The following SRL variants were observed in gnomAD, a reference collection of about 807,000 sequenced individuals.
The protein encoded by SRL is sarcalumenin.
A neutral mutation model predicts 39.5 loss-of-function variants in SRL; 23 were observed. That is an observed-to-expected ratio of 0.58 (90% CI 0.42 to 0.82). SRL has a LOEUF of 0.82. Ranked by LOEUF, SRL falls within the 40% of genes least tolerant of loss-of-function variation. The pLI is 0.00. For missense variants in SRL, 592 were observed against 607.8 expected (o/e 0.97, Z 0.27); for synonymous variants, 272 against 237.4 (o/e 1.15, Z -1.34).
chr16:4,232,878 G>T (rs898894768), intron 1 of SRL, among the ~76,000 whole-genome samples: 17 of 152,310 alleles, frequency 1.1e-4, no homozygotes, highest in African/African-American at 4.1e-4. Context: ...CCTGAAGGAG[G>T]ACCGGGGGCT....
chr16:4,210,478 A>G (rs999857353), intron 1 of SRL, among the ~76,000 whole-genome samples: 6 of 126,654 alleles, frequency 4.7e-5, no homozygotes, highest in Non-Finnish European at 8.1e-5. Context: ...AATGAGTATT[A>G]CTCATATCTT....
At chr16:4,217,078 ATCT>A (rs545825867) in intron 1 of SRL, among the ~76,000 whole-genome samples, 51 of 152,248 alleles carry the variant, frequency 3.3e-4, no homozygotes, top group Non-Finnish European at 8.8e-5. Flanking sequence ...GCTGGAGGGA[ATCT>A]TCTTGAGAAA....
intron 5 of SRL, among the ~76,000 whole-genome samples, chr16:4,194,667 G>A (rs1281752184): frequency 6.6e-6 from 1 of 152,164 alleles, no homozygotes; most frequent in Non-Finnish European, 1.5e-5. Flanking sequence ...GAACCTCTCA[G>A]AGCTGCTTGC....
At chr16:4,218,543 C>T (rs570076353) in intron 1 of SRL, among the ~76,000 whole-genome samples, 13 of 152,278 alleles carry the variant, frequency 8.5e-5, no homozygotes, top group South Asian at 2.1e-4. Context: ...TATACAGCGG[C>T]GCTTTGCTCC....
intron 3 of SRL, among the ~76,000 whole-genome samples, chr16:4,200,593 C>T (rs957946761): frequency 6.6e-6 from 1 of 152,238 alleles, no homozygotes; most frequent in East Asian, 1.9e-4. Context: ...CTGCTGTACA[C>T]ACAAGTTTCC....
In SRL at chr16:4,213,386, T is replaced by TTTTTTC. The variant is rs372374910; in HGVS notation, c.62-8758_62-8753dup. ...AAGACATCCTGCTTACAGCATCTTT[T>TTTTTTC]TTTTTCTTTTTCTTTTTCTTTTTTT... On this transcript the variant is annotated intron_variant, in intron 1 of 5. Coordinates refer to ENST00000399609, the MANE Select transcript of SRL (RefSeq NM_001098814.2). 2.9e-4 allele frequency among the ~76,000 whole-genome samples: 36 copies of TTTTTTC among 124,872 alleles called. 1 individual carries two copies. Among genetic ancestry groups the TTTTTTC allele is most frequent in the East Asian group, 7.9e-4 (4 of 5,066 alleles). 81.9% of individuals were successfully genotyped at this position (124,872 alleles called of 152,430 possible).
intron 1 of SRL, among the ~76,000 whole-genome samples, chr16:4,227,172 G>A (rs114358170): frequency 0.014 from 2,107 of 151,436 alleles, 56 homozygotes; most frequent in African/African-American, 0.048. Flanking sequence ...ATGGAAGGGT[G>A]GATAGATGAA....
At chr16:4,227,583 A>G (rs2052607655) in intron 1 of SRL, among the ~76,000 whole-genome samples, 1 of 152,058 alleles carries the variant, frequency 6.6e-6, no homozygotes. Context: ...AGATGGGTGA[A>G]TGGAAGGATG....
intron 1 of SRL, among the ~76,000 whole-genome samples, chr16:4,234,539 G>A (rs776537288): frequency 1.2e-3 from 179 of 152,180 alleles, no homozygotes; most frequent in Non-Finnish European, 2.4e-3. Flanking sequence ...GAAAATAGAT[G>A]GAACAGGACT....
intron 4 of SRL, among the ~76,000 whole-genome samples, chr16:4,197,421 C>CTTCTT (rs71394661): frequency 4.6e-5 from 5 of 107,568 alleles, no homozygotes; most frequent in African/African-American, 1.9e-4. Context: ...CTTTTCTTTC[C>CTTCTT]TTTTTTTTTT....
At chr16:4,208,340 C>G (rs986383407) in intron 1 of SRL, among the ~76,000 whole-genome samples, 2 of 152,148 alleles carry the variant, frequency 1.3e-5, no homozygotes, top group African/African-American at 4.8e-5. Flanking sequence ...AAGGACTGAC[C>G]CGTTGTCCAT....
chr16:4,230,019 C>T (rs1390638632), intron 1 of SRL, among the ~76,000 whole-genome samples: 1 of 152,106 alleles, frequency 6.6e-6, no homozygotes, highest in Non-Finnish European at 1.5e-5. Context: ...GGACCCAGAC[C>T]TCCATCCCTT....
chr16:4,241,477 C>CT (rs2141076561), intron 1 of SRL, among the ~76,000 whole-genome samples: 1 of 152,344 alleles, frequency 6.6e-6, no homozygotes, highest in Middle Eastern at 3.4e-3. Flanking sequence ...ACCGCCAACT[C>CT]TATTTCCGAT....
At chr16:4,228,692 G>GCA (rs1567189122) in intron 1 of SRL, among the ~76,000 whole-genome samples, 4 of 151,374 alleles carry the variant, frequency 2.6e-5, no homozygotes, top group Non-Finnish European at 4.4e-5. Flanking sequence ...CCAAGATCAT[G>GCA]CCACTGCACT....
At chr16:4,207,550 T>C (rs1369373280) in intron 1 of SRL, 2 of 455,408 alleles carry the variant, frequency 4.4e-6, no homozygotes, top group East Asian at 1.4e-4. Context: ...CCCTCTGCCT[T>C]TGGCTCTGCT....
intron 1 of SRL, among the ~76,000 whole-genome samples, chr16:4,217,483 C>T (rs1008872567): frequency 2.6e-5 from 4 of 152,294 alleles, no homozygotes; most frequent in African/African-American, 9.6e-5. Context: ...AACTTCTGGG[C>T]TCAAGCGATC....
chr16:4,200,921 C>T (rs1027608967), intron 3 of SRL, among the ~76,000 whole-genome samples: 5 of 152,122 alleles, frequency 3.3e-5, no homozygotes, highest in African/African-American at 1.2e-4. Context: ...GCCCAATTAA[C>T]ACAGGGAAAG....
At chr16:4,220,048 A>C (rs996098103) in intron 1 of SRL, among the ~76,000 whole-genome samples, 1 of 152,090 alleles carries the variant, frequency 6.6e-6, no homozygotes, top group African/African-American at 2.4e-5. Flanking sequence ...TGAACAGTAC[A>C]AACTCTGGAT....
In SRL at chr16:4,201,682, G is replaced by A. The variant is rs1475703966; in HGVS notation, c.259+1484C>T. ...GTTTGTTTGTTTGTTTTGAGATGGA[G>A]TCTTGCTCTGTTACCCAGGCTGGAG... On this transcript the variant is annotated intron_variant, in intron 3 of 5. Coordinates refer to ENST00000399609, the MANE Select transcript of SRL (RefSeq NM_001098814.2). 3.7e-5 allele frequency among the ~76,000 whole-genome samples: 5 copies of A among 133,956 alleles called. 2 individuals carry two copies. The highest frequency in any genetic ancestry group is 1.6e-4 in the African/African-American group (5 of 31,238). 87.9% of individuals were successfully genotyped at this position (133,956 alleles called of 152,430 possible). A position where few individuals can be genotyped will look rare whatever the true frequency, so the allele number is the denominator to read the frequency against.
Sources: allele counts gnomAD v4.1 joint callset (sites outside exome capture counted in the v4.1 genomes callset), GRCh38; gene constraint gnomAD v4.1.1; transcripts MANE v1.5; gene names NCBI Gene and HGNC (gene_info 2026-07-23, HGNC 2026-07-21).